Variants in ZFAND6 observed in about 807,000 individuals in gnomAD.
ZFAND6 encodes AN1-type zinc finger protein 6.
ZFAND6 carries 12 observed loss-of-function variants against 24.5 expected under a neutral mutation model. The observed-to-expected ratio is 0.49, with a 90% CI of 0.31 to 0.79. The LOEUF (loss-of-function observed/expected upper bound fraction) is 0.79. Ranked by LOEUF, ZFAND6 falls within the 30% of genes least tolerant of loss-of-function variation. The pLI, the probability that ZFAND6 is intolerant of heterozygous loss-of-function variation, is 0.04. For missense variants in ZFAND6, 207 were observed against 245.9 expected, an observed-to-expected ratio of 0.84 and a Z score of 1.06; for synonymous variants, 92 against 81.5, an observed-to-expected ratio of 1.13 and a Z score of -0.69.
chr15:80,100,220 A>G (rs546549773), intron 2 of ZFAND6, among the ~76,000 whole-genome samples: 145 of 152,310 alleles, frequency 9.5e-4, no homozygotes, highest in African/African-American at 3.3e-3. Context: ...GCCATTTGGC[A>G]TTTCCCTTGA....
intron 1 of ZFAND6, chr15:80,073,372 T>G (rs1221621006): frequency 3.5e-6 from 1 of 289,820 alleles, no homozygotes; most frequent in African/African-American, 2.3e-5. Flanking sequence ...TGATTCTATT[T>G]ACATTTCTTA....
intron 6 of ZFAND6, among the ~76,000 whole-genome samples, chr15:80,136,765 G>A (rs1008363464): frequency 5.3e-5 from 8 of 152,142 alleles, no homozygotes; most frequent in Non-Finnish European, 1.2e-4. Context: ...TTTAAAGACT[G>A]GCTGCACCCA....
intron 1 of ZFAND6, among the ~76,000 whole-genome samples, chr15:80,082,206 C>T (rs1408249000): frequency 6.6e-6 from 1 of 152,116 alleles, no homozygotes; most frequent in African/African-American, 2.4e-5. Flanking sequence ...GGCTTCTATG[C>T]AAATAAGTGG....
chr15:80,102,710 T>G (rs2039099488), intron 2 of ZFAND6, among the ~76,000 whole-genome samples: 1 of 152,196 alleles, frequency 6.6e-6, no homozygotes, highest in Non-Finnish European at 1.5e-5. Context: ...CCACTAAAGG[T>G]TAAAAGTAGT....
rs1489133217 is a variant in ZFAND6 at position 80,137,824 on chromosome 15, A to G, written c.*196A>G. On this transcript the variant is annotated 3_prime_UTR_variant, in exon 7 of 7. Coordinates refer to ENST00000261749, the MANE Select transcript of ZFAND6 (RefSeq NM_019006.4). ...GCAATTTCTGTGGCTGAGGAGACTTAAACTTTACAAGTATTATCCTTTTAA... is the reference window on the plus strand; with the variant it reads ...GCAATTTCTGTGGCTGAGGAGACTTGAACTTTACAAGTATTATCCTTTTAA... 9 of 492,740 alleles carry G rather than the reference A, an allele frequency of 1.8e-5. No homozygotes were observed. Among genetic ancestry groups the G allele is most frequent in the Non-Finnish European group, 3.0e-5 (9 of 297,168 alleles). The allele number at this position is 492,740 out of a possible 1,614,324, so 30.5% of individuals were successfully genotyped here. A position where few individuals can be genotyped will look rare whatever the true frequency, so the allele number is the denominator to read the frequency against.
chr15:80,079,073 T>G (rs761230551), intron 1 of ZFAND6, among the ~76,000 whole-genome samples: 16 of 149,472 alleles, frequency 1.1e-4, no homozygotes, highest in Non-Finnish European at 1.0e-4. Context: ...AGAGTGTGTC[T>G]TCTTTTGAGA....
chr15:80,133,174 G>GT (rs932215585), intron 6 of ZFAND6, among the ~76,000 whole-genome samples: 113 of 143,732 alleles, frequency 7.9e-4, no homozygotes, highest in South Asian at 5.2e-3. Context: ...AAAGGATGGT[G>GT]TTTTTTTTTG....
chr15:80,125,645 G>A (rs2040341950), intron 5 of ZFAND6, among the ~76,000 whole-genome samples: 1 of 152,188 alleles, frequency 6.6e-6, no homozygotes, highest in Non-Finnish European at 1.5e-5. Flanking sequence ...TCACTCAGGA[G>A]TATAAGTCAA....
At chr15:80,091,231 T>G (rs573397598) in intron 1 of ZFAND6, among the ~76,000 whole-genome samples, 1 of 152,150 alleles carries the variant, frequency 6.6e-6, no homozygotes, top group South Asian at 2.1e-4. Context: ...ATTAGGTGAT[T>G]TTATATCAGA....
At chr15:80,059,429 T>C (rs2141753853), upstream of ZFAND6, 1 of 152,344 alleles carries the variant, frequency 6.6e-6, no homozygotes, top group East Asian at 1.9e-4. Flanking sequence ...CAAGGGACAC[T>C]GGAGGTGCAG....
chr15:80,127,811 GA>G (rs1251547762), intron 5 of ZFAND6, among the ~76,000 whole-genome samples: 1 of 152,090 alleles, frequency 6.6e-6, no homozygotes, highest in Non-Finnish European at 1.5e-5. Flanking sequence ...AAATTAAAAA[GA>G]ATTGTCATAT....
chr15:80,060,989 G>A (rs1471528947), intron 1 of ZFAND6, among the ~76,000 whole-genome samples: 3 of 152,126 alleles, frequency 2.0e-5, no homozygotes, highest in African/African-American at 7.2e-5. Context: ...CTTTCAAACC[G>A]AAATCGGAAT....
chr15:80,135,802 T>G (rs2040834173), intron 6 of ZFAND6, among the ~76,000 whole-genome samples: 1 of 151,820 alleles, frequency 6.6e-6, no homozygotes, highest in Non-Finnish European at 1.5e-5. Context: ...GTTTCAGATT[T>G]GCCCATACCT....
At chr15:80,132,941 T>TAAAA (rs3974671) in intron 6 of ZFAND6, among the ~76,000 whole-genome samples, 8 of 145,358 alleles carry the variant, frequency 5.5e-5, no homozygotes, top group African/African-American at 1.5e-4. Flanking sequence ...GGACTATTGT[T>TAAAA]AAAAAAAAAA....
intron 1 of ZFAND6, among the ~76,000 whole-genome samples, chr15:80,087,798 A>G (rs982276826): frequency 6.6e-6 from 1 of 152,130 alleles, no homozygotes; most frequent in South Asian, 2.1e-4. Context: ...CTAGATTCCC[A>G]ATTGTTATAC....
At chr15:80,084,253 C>G (rs140964301) in intron 1 of ZFAND6, among the ~76,000 whole-genome samples, 1 of 151,684 alleles carries the variant, frequency 6.6e-6, no homozygotes, top group Non-Finnish European at 1.5e-5. Context: ...ATCCCAAATT[C>G]GAAATTTGAA....
intron 2 of ZFAND6, among the ~76,000 whole-genome samples, chr15:80,119,320 A>T (rs945215951): frequency 1.2e-4 from 19 of 152,180 alleles, no homozygotes; most frequent in Admixed American, 2.6e-4. Flanking sequence ...TCCACCAATT[A>T]TGCAAGTAAT....
Position 80,113,079 on chromosome 15 carries a change from A to G in ZFAND6, c.-17-7249A>G, listed in dbSNP as rs774558476. On this transcript the variant is annotated intron_variant, in intron 2 of 6. Coordinates refer to ENST00000261749, the MANE Select transcript of ZFAND6 (RefSeq NM_019006.4). Reference sequence around the variant, plus strand: ...CGTACTAGTTCAAAGCTTAATGTGCATTCTTATTTAACCAGACATATTATG... The same window carrying G: ...CGTACTAGTTCAAAGCTTAATGTGCGTTCTTATTTAACCAGACATATTATG... Among the ~76,000 whole-genome samples the G allele has an allele frequency of 3.3e-5, 5 of 152,338 alleles. 1 individual carries two copies. The highest frequency in any genetic ancestry group is 3.4e-3 in the Middle Eastern group (1 of 294).
chr15:80,134,571 A>C (rs1169018432), intron 6 of ZFAND6, among the ~76,000 whole-genome samples: 2 of 152,226 alleles, frequency 1.3e-5, no homozygotes, highest in African/African-American at 4.8e-5. Flanking sequence ...TGAAACAACA[A>C]ATTTTTGCAG....
Sources: allele counts gnomAD v4.1 joint callset (sites outside exome capture counted in the v4.1 genomes callset), GRCh38; gene constraint gnomAD v4.1.1; transcripts MANE v1.5; gene names NCBI Gene and HGNC (gene_info 2026-07-23, HGNC 2026-07-21).